The following CACNA2D3 variants were observed in gnomAD, a reference collection of about 807,000 sequenced individuals.
CACNA2D3 encodes voltage-dependent calcium channel subunit alpha-2/delta-3.
CACNA2D3 carries 60 observed loss-of-function variants against 160.6 expected under a neutral mutation model. The ratio of observed to expected loss-of-function variants is 0.37; its 90% CI spans 0.30 to 0.46. CACNA2D3 has a LOEUF of 0.46. CACNA2D3 is among the 20% of genes least tolerant of loss of function. The pLI, the probability that CACNA2D3 is intolerant of heterozygous loss-of-function variation, is 1.00. For missense variants in CACNA2D3, 1,205 were observed against 1,365.0 expected (o/e 0.88, Z 1.85); for synonymous variants, 558 against 492.9 (o/e 1.13, Z -1.75).
In CACNA2D3 at chr3:54,846,920, T is replaced by C. The variant is rs115195569; in HGVS notation, c.1626+453T>C. ...GGGATTTGCCCCCAAATTACATTAC[T>C]TAAGCCCAGTGTCTTGTGGATAGAA... On this transcript the variant is annotated intron_variant, in intron 17 of 37. Transcript: ENST00000474759. 8.5e-3 allele frequency among the ~76,000 whole-genome samples: 1,302 copies of C among 152,362 alleles called. 11 individuals carry two copies. The highest frequency in any genetic ancestry group is 0.015 in the Admixed American group (233 of 15,308).
In CACNA2D3 at chr3:54,205,487, G is replaced by A. The variant is rs192055826; in HGVS notation, c.204+81893G>A. Among the ~76,000 whole-genome samples the A allele has an allele frequency of 3.0e-3, 452 of 152,306 alleles. 1 individual carries two copies. The highest frequency in any genetic ancestry group is 5.4e-3 in the Non-Finnish European group (364 of 68,030). ...ATGGCCTACTCCCTGGCTTAGCAAC[G>A]AAAATGTGTTTATGGCCAGTGTTTA... On this transcript the variant is annotated intron_variant, in intron 2 of 37. Coordinates refer to ENST00000474759, the MANE Select transcript of CACNA2D3 (RefSeq NM_018398.3).
At chr3:54,164,747 T>C (rs2107301896) in intron 2 of CACNA2D3, among the ~76,000 whole-genome samples, 1 of 152,266 alleles carries the variant, frequency 6.6e-6, no homozygotes, top group East Asian at 1.9e-4. Context: ...TCTGCCCACT[T>C]CTGCCTGCCC....
chr3:54,502,662 A>G (rs1367833548), intron 4 of CACNA2D3, among the ~76,000 whole-genome samples: 1 of 152,220 alleles, frequency 6.6e-6, no homozygotes, highest in Non-Finnish European at 1.5e-5. Flanking sequence ...GATGGCCTGT[A>G]TTTGAATTCT....
At chr3:55,027,409 G>A (rs1213572608) in intron 35 of CACNA2D3, among the ~76,000 whole-genome samples, 1 of 152,204 alleles carries the variant, frequency 6.6e-6, no homozygotes, top group Non-Finnish European at 1.5e-5. Flanking sequence ...TCAGAATGCA[G>A]TATATTAAGG....
chr3:54,888,591 A>G (rs1305063598), intron 24 of CACNA2D3, among the ~76,000 whole-genome samples: 1 of 152,190 alleles, frequency 6.6e-6, no homozygotes, highest in Non-Finnish European at 1.5e-5. Flanking sequence ...CTTTAAGTAG[A>G]CTATTAAAGA....
chr3:54,661,510 C>G (rs1181903937), intron 11 of CACNA2D3, among the ~76,000 whole-genome samples: 1 of 152,162 alleles, frequency 6.6e-6, no homozygotes, highest in East Asian at 1.9e-4. Context: ...AAAGTACTGA[C>G]TCTTTCCCTT....
intron 9 of CACNA2D3, among the ~76,000 whole-genome samples, chr3:54,612,350 A>C (rs1463746475): frequency 1.3e-5 from 2 of 152,126 alleles, no homozygotes; most frequent in Non-Finnish European, 2.9e-5. Context: ...CACTGACATT[A>C]ATCATTTTTT....
At chr3:54,196,954 C>T (rs1029908167) in intron 2 of CACNA2D3, among the ~76,000 whole-genome samples, 3 of 152,200 alleles carry the variant, frequency 2.0e-5, no homozygotes, top group Non-Finnish European at 1.5e-5. Flanking sequence ...CAATGTAAAA[C>T]GTGTTTTACT....
At chr3:54,584,972 A>G (rs1702735091) in intron 9 of CACNA2D3, among the ~76,000 whole-genome samples, 1 of 152,232 alleles carries the variant, frequency 6.6e-6, no homozygotes, top group African/African-American at 2.4e-5. Flanking sequence ...AATGGAAGGA[A>G]AACTGTAAAA....
chr3:54,420,561 A>G (rs1205753593), intron 4 of CACNA2D3, among the ~76,000 whole-genome samples: 1 of 152,160 alleles, frequency 6.6e-6, no homozygotes, highest in African/African-American at 2.4e-5. Flanking sequence ...TCAGGTTATT[A>G]TTTGAGAGGA....
chr3:54,725,880 C>G (rs541488447), intron 11 of CACNA2D3, among the ~76,000 whole-genome samples: 30 of 152,132 alleles, frequency 2.0e-4, no homozygotes, highest in Non-Finnish European at 3.2e-4. Flanking sequence ...TCTCACCACT[C>G]CTATTCAACA....
At chr3:54,865,847 T>C (rs1001442199) in intron 17 of CACNA2D3, among the ~76,000 whole-genome samples, 17 of 152,176 alleles carry the variant, frequency 1.1e-4, no homozygotes, top group African/African-American at 3.9e-4. Context: ...TGCTAAACCA[T>C]GTTTATACCC....
chr3:54,416,951 C>G (rs2106740890), intron 4 of CACNA2D3, among the ~76,000 whole-genome samples: 1 of 152,258 alleles, frequency 6.6e-6, no homozygotes, highest in East Asian at 1.9e-4. Flanking sequence ...TTGCCACTGT[C>G]AGGCAGGTGT....
At chr3:54,683,896 A>T (rs1206037168) in intron 11 of CACNA2D3, among the ~76,000 whole-genome samples, 1 of 149,566 alleles carries the variant, frequency 6.7e-6, no homozygotes, top group African/African-American at 2.5e-5. Flanking sequence ...TGGCAGCATA[A>T]CTCCAATCCT....
intron 2 of CACNA2D3, among the ~76,000 whole-genome samples, chr3:54,281,940 G>C (rs7640765): frequency 0.52 from 79,717 of 151,972 alleles, 21,080 homozygotes; most frequent in East Asian, 0.66. Flanking sequence ...TTAAAGCAAA[G>C]TGTTCATTGC....
intron 4 of CACNA2D3, among the ~76,000 whole-genome samples, chr3:54,501,957 T>C (rs552587645): frequency 5.8e-4 from 88 of 152,350 alleles, no homozygotes; most frequent in African/African-American, 2.1e-3. Context: ...CACTCCATTC[T>C]CTTCTTGCCT....
intron 2 of CACNA2D3, among the ~76,000 whole-genome samples, chr3:54,131,117 C>A (rs1026168265): frequency 6.6e-6 from 1 of 152,206 alleles, no homozygotes; most frequent in African/African-American, 2.4e-5. Flanking sequence ...ACAAGCTCTT[C>A]AGGTAATCTT....
At chr3:54,655,231 G>T (rs1046560553) in intron 11 of CACNA2D3, among the ~76,000 whole-genome samples, 1 of 152,192 alleles carries the variant, frequency 6.6e-6, no homozygotes, top group Non-Finnish European at 1.5e-5. Context: ...TGGGAGCGCA[G>T]TGCTGCCTAA....
chr3:54,746,419 T>G (rs753543641), intron 11 of CACNA2D3, among the ~76,000 whole-genome samples: 2 of 152,218 alleles, frequency 1.3e-5, no homozygotes, highest in African/African-American at 2.4e-5. Flanking sequence ...GCTGAAGTCA[T>G]TCATCATTTT....
Sources: gnomAD v4.1 joint callset for allele counts (sites outside exome capture counted in the v4.1 genomes callset) on GRCh38, gnomAD v4.1.1 for gene constraint, MANE v1.5 for transcripts, NCBI Gene and HGNC (gene_info 2026-07-23, HGNC 2026-07-21) for gene names.